The following C8orf34 variants were observed in gnomAD, a reference collection of about 807,000 sequenced individuals.
C8orf34 encodes chromosome 8 open reading frame 34, also known as uncharacterized protein C8orf34.
Under a neutral mutation model 68.3 loss-of-function variants are expected in C8orf34, and 65 were observed. The ratio of observed to expected loss-of-function variants is 0.95; its 90% confidence interval spans 0.78 to 1.17. C8orf34 has a LOEUF of 1.17. C8orf34 is among the 50% of genes most tolerant of loss of function. The probability of loss-of-function intolerance (pLI) is 0.00; values close to 1 mark genes in which losing one functional copy is unlikely to be tolerated. For synonymous variants in C8orf34, 244 were observed against 241.2 expected, an observed-to-expected ratio of 1.01 and a Z score of -0.11; for missense variants, 664 against 655.4, an observed-to-expected ratio of 1.01 and a Z score of -0.14.
At chr8:68,406,109 G>T (rs2048892) in intron 1 of C8orf34, among the ~76,000 whole-genome samples, 108,212 of 152,058 alleles carry the variant, frequency 0.71, 38,802 homozygotes, top group African/African-American at 0.79. Context: ...GCAGGATTTG[G>T]CCTGGGGACC....
chr8:68,414,451 G>A (rs1809576237), intron 1 of C8orf34, among the ~76,000 whole-genome samples: 1 of 152,140 alleles, frequency 6.6e-6, no homozygotes, highest in Admixed American at 6.5e-5. Context: ...ACAATTTTTA[G>A]TTAGTTTCAA....
intron 6 of C8orf34, chr8:68,530,737 T>C (rs1815208579): frequency 2.0e-6 from 1 of 505,468 alleles, no homozygotes; most frequent in Admixed American, 5.3e-5. Context: ...TCTTTAAGTA[T>C]TTGGAATGAT....
In C8orf34 at chr8:68,602,514, CA is replaced by C. The variant is rs1817729368; in HGVS notation, c.1106-37861del. Among the ~76,000 whole-genome samples, 3 of 151,890 alleles carry C rather than the reference CA, an allele frequency of 2.0e-5. No homozygotes were observed. In the South Asian group the frequency reaches 6.2e-4, roughly 32 times the overall value. ...TCAGATCTCTTGAGAACTTACTCAC[CA>C]TCACGAGAATAGCATGAGGGTAACC... On this transcript the variant is annotated intron_variant, in intron 7 of 13. Transcript: ENST00000518698.
At chr8:68,762,589 A>G (rs1320046075) in intron 10 of C8orf34, among the ~76,000 whole-genome samples, 1 of 152,208 alleles carries the variant, frequency 6.6e-6, no homozygotes, top group African/African-American at 2.4e-5. Context: ...CTGTTTTCAC[A>G]AAATGCAAAC....
chr8:68,480,869 T>C (rs1812828877), intron 4 of C8orf34, among the ~76,000 whole-genome samples: 1 of 152,162 alleles, frequency 6.6e-6, no homozygotes, highest in Non-Finnish European at 1.5e-5. Flanking sequence ...GAGTAGAGCA[T>C]AAAAGTTTGG....
chr8:68,386,728 C>T (rs1024617033), intron 1 of C8orf34, among the ~76,000 whole-genome samples: 26 of 152,130 alleles, frequency 1.7e-4, no homozygotes, highest in Admixed American at 1.3e-3. Context: ...TAGACGCCCA[C>T]GCTGTGTACA....
At chr8:68,360,796 A>C (rs1376398567) in intron 1 of C8orf34, among the ~76,000 whole-genome samples, 1 of 131,160 alleles carries the variant, frequency 7.6e-6, no homozygotes, top group Non-Finnish European at 1.5e-5. Context: ...TCTGTCACCC[A>C]GTCTGGAGTG....
intron 10 of C8orf34, among the ~76,000 whole-genome samples, chr8:68,750,225 A>T (rs116263736): frequency 0.011 from 1,657 of 152,316 alleles, 32 homozygotes; most frequent in African/African-American, 0.037. Context: ...AACCCAACAT[A>T]CATGAACTAA....
intron 8 of C8orf34, among the ~76,000 whole-genome samples, chr8:68,653,246 G>T (rs1819414036): frequency 6.6e-6 from 1 of 152,084 alleles, no homozygotes; most frequent in Admixed American, 6.5e-5. Context: ...ATCCTATGTG[G>T]TTCCTTTTGT....
chr8:68,723,222 G>A (rs1442362902), intron 10 of C8orf34, among the ~76,000 whole-genome samples: 1 of 152,092 alleles, frequency 6.6e-6, no homozygotes, highest in Non-Finnish European at 1.5e-5. Flanking sequence ...TACTCGTGGA[G>A]TGATAGCTTA....
At chr8:68,469,440 C>T (rs1812286371) in intron 4 of C8orf34, among the ~76,000 whole-genome samples, 1 of 152,004 alleles carries the variant, frequency 6.6e-6, no homozygotes, top group Non-Finnish European at 1.5e-5. Context: ...CCGCCTTCCT[C>T]TGCTAGGTGT....
intron 5 of C8orf34, among the ~76,000 whole-genome samples, chr8:68,494,848 T>A (rs1813457802): frequency 6.6e-6 from 1 of 151,446 alleles, no homozygotes; most frequent in Non-Finnish European, 1.5e-5. Flanking sequence ...AGAGTGAGAC[T>A]CCATCTCAAA....
chr8:68,686,451 T>C (rs971486352), intron 8 of C8orf34, among the ~76,000 whole-genome samples: 2 of 152,100 alleles, frequency 1.3e-5, no homozygotes, highest in African/African-American at 4.8e-5. Flanking sequence ...AGTGGGTTCA[T>C]GCAGACATTC....
intron 8 of C8orf34, among the ~76,000 whole-genome samples, chr8:68,666,391 C>T (rs1163075976): frequency 6.6e-6 from 1 of 152,134 alleles, no homozygotes; most frequent in Non-Finnish European, 1.5e-5. Flanking sequence ...GCTATGTCTG[C>T]CCTTTTGGAG....
At chr8:68,644,388 A>T (rs536402009) in intron 8 of C8orf34, among the ~76,000 whole-genome samples, 1 of 152,308 alleles carries the variant, frequency 6.6e-6, no homozygotes, top group South Asian at 2.1e-4. Context: ...ATAAAAGTTC[A>T]TCTTCCTTGG....
intron 5 of C8orf34, among the ~76,000 whole-genome samples, chr8:68,493,389 T>A (rs1328744738): frequency 6.6e-6 from 1 of 152,014 alleles, no homozygotes; most frequent in Non-Finnish European, 1.5e-5. Context: ...TCCATATCAC[T>A]AATCACCAGA....
At chr8:68,675,090 T>G (rs1485527187) in intron 8 of C8orf34, among the ~76,000 whole-genome samples, 1 of 152,038 alleles carries the variant, frequency 6.6e-6, no homozygotes, top group Non-Finnish European at 1.5e-5. Flanking sequence ...AATAAGTACT[T>G]TCATAGACAA....
At chr8:68,675,334 A>G (rs1381594056) in intron 8 of C8orf34, among the ~76,000 whole-genome samples, 1 of 152,182 alleles carries the variant, frequency 6.6e-6, no homozygotes, top group Non-Finnish European at 1.5e-5. Context: ...CTAAAAAGTG[A>G]ACTGATCAAA....
chr8:68,590,137 A>C (rs1400346915), intron 7 of C8orf34, among the ~76,000 whole-genome samples: 1 of 148,530 alleles, frequency 6.7e-6, no homozygotes, highest in South Asian at 2.2e-4. Flanking sequence ...GAAAGGAAGG[A>C]AGGAAAAGGA....
Sources: gnomAD v4.1 joint callset for allele counts (sites outside exome capture counted in the v4.1 genomes callset) on GRCh38, gnomAD v4.1.1 for gene constraint, MANE v1.5 for transcripts, NCBI Gene and HGNC (gene_info 2026-07-23, HGNC 2026-07-21) for gene names.